Variants in HS6ST2 observed in about 807,000 individuals in gnomAD.
The protein encoded by HS6ST2 is heparan-sulfate 6-O-sulfotransferase 2.
A neutral mutation model predicts 33.0 loss-of-function variants in HS6ST2; 17 were observed. The observed-to-expected ratio is 0.52, with a 90% CI of 0.35 to 0.77. The LOEUF is 0.77. Ranked by LOEUF, HS6ST2 falls within the 30% of genes least tolerant of loss-of-function variation. The probability of loss-of-function intolerance (pLI) is 0.01; values close to 1 mark genes in which losing one functional copy is unlikely to be tolerated. For missense variants in HS6ST2, 519 were observed against 551.7 expected, an observed-to-expected ratio of 0.94 and a Z score of 0.59; for synonymous variants, 248 against 237.1, an observed-to-expected ratio of 1.05 and a Z score of -0.42.
At chrX:132,723,687 A>G (rs936637752) in intron 2 of HS6ST2, among the ~76,000 whole-genome samples, 1 of 112,465 alleles carries the variant, frequency 8.9e-6, no homozygotes, top group Admixed American at 9.4e-5. Context: ...AATAAAAGCT[A>G]TGTATGACAG....
chrX:132,957,171 C>A lies in HS6ST2; in HGVS notation c.584G>T (p.Arg195Leu). The change falls in exon 2 of 5, where the codon CGC becomes CTC. Residue 195 changes from arginine to leucine, a missense_variant. By Grantham distance (102) the Arg-to-Leu change is moderately radical (BLOSUM62 -2). Coordinates refer to ENST00000370833, the MANE Select transcript of HS6ST2 (RefSeq NM_001394073.1). ...AFSSPVPDPY[R>L]SEDESSARFV... ...CCTGGCGGAGCTCTCATCCTCCGAG[C>A]GGTACGGGTCCGGCACCGGGGAGCT... 8.3e-7 allele frequency: 1 copy of A among 1,211,637 alleles called. No homozygotes were observed. Among genetic ancestry groups the A allele is most frequent in the East Asian group, 3.0e-5 (1 of 33,810 alleles).
intron 2 of HS6ST2, among the ~76,000 whole-genome samples, chrX:132,748,410 C>G (rs1346668031): frequency 3.6e-5 from 4 of 111,820 alleles, no homozygotes; most frequent in Non-Finnish European, 7.5e-5. Context: ...CATTTAACTC[C>G]TCTCTCCCAC....
intron 2 of HS6ST2, among the ~76,000 whole-genome samples, chrX:132,818,411 T>C (rs2065417405): frequency 9.0e-6 from 1 of 111,312 alleles, no homozygotes; most frequent in South Asian, 3.9e-4. Context: ...CTTTGGCATG[T>C]GTCTGGCACC....
chrX:132,798,012 CAAAA>C (rs140144337), intron 2 of HS6ST2, among the ~76,000 whole-genome samples: 3 of 55,811 alleles, frequency 5.4e-5, no homozygotes, highest in Non-Finnish European at 9.4e-5. Context: ...GACTTTGTCT[CAAAA>C]AAAAAAAAAA....
intron 2 of HS6ST2, among the ~76,000 whole-genome samples, chrX:132,925,005 C>A (rs1362619407): frequency 9.0e-6 from 1 of 111,131 alleles, no homozygotes; most frequent in African/African-American, 3.3e-5. Context: ...TACTTGAACC[C>A]AGGAGGCAGA....
intron 2 of HS6ST2, among the ~76,000 whole-genome samples, chrX:132,848,479 CA>C (rs2065772919): frequency 8.9e-6 from 1 of 112,458 alleles, no homozygotes; most frequent in Non-Finnish European, 1.9e-5. Context: ...CCCTCTTCCA[CA>C]GGGTGGTGCC....
intron 4 of HS6ST2, among the ~76,000 whole-genome samples, chrX:132,633,273 G>A (rs769753192): frequency 1.8e-5 from 2 of 110,339 alleles, no homozygotes; most frequent in African/African-American, 6.6e-5. Context: ...GTTGTGAAAG[G>A]CCACAGATGC....
chrX:132,939,455 T>C (rs1327735895), intron 2 of HS6ST2, among the ~76,000 whole-genome samples: 1 of 110,233 alleles, frequency 9.1e-6, no homozygotes, highest in East Asian at 2.9e-4. Flanking sequence ...TGAAACCCCA[T>C]CTCTACTAAA....
At chrX:132,657,587 T>A (rs1280255524) in intron 4 of HS6ST2, among the ~76,000 whole-genome samples, 2 of 108,847 alleles carry the variant, frequency 1.8e-5, no homozygotes, top group African/African-American at 6.7e-5. Context: ...TATGTTTTTG[T>A]AATTATTTAT....
chrX:132,697,673 C>T (rs755372624), intron 3 of HS6ST2, among the ~76,000 whole-genome samples: 4 of 111,912 alleles, frequency 3.6e-5, no homozygotes, highest in East Asian at 2.8e-4. Context: ...TCTGACCCAA[C>T]GACTCAACCT....
intron 2 of HS6ST2, among the ~76,000 whole-genome samples, chrX:132,874,235 G>T (rs1427078228): frequency 8.9e-6 from 1 of 112,365 alleles, no homozygotes; most frequent in African/African-American, 3.2e-5. Flanking sequence ...AAAAAAGAAA[G>T]ATTTTGAATC....
intron 4 of HS6ST2, among the ~76,000 whole-genome samples, chrX:132,642,820 G>A (rs953408926): frequency 8.9e-5 from 10 of 112,467 alleles, no homozygotes; most frequent in Non-Finnish European, 1.9e-4. Flanking sequence ...TGAAGGTTAT[G>A]TTAATGCTGA....
At chrX:132,684,194 C>T (rs1338408898) in intron 3 of HS6ST2, among the ~76,000 whole-genome samples, 1 of 104,247 alleles carries the variant, frequency 9.6e-6, no homozygotes, top group Non-Finnish European at 1.9e-5. Flanking sequence ...TATGTAGGAG[C>T]AGTCTCCACA....
intron 2 of HS6ST2, among the ~76,000 whole-genome samples, chrX:132,799,626 C>T (rs776556688): frequency 1.8e-5 from 2 of 111,159 alleles, no homozygotes; most frequent in Non-Finnish European, 3.8e-5. Context: ...AAGCAATCCA[C>T]CCACTTTAGC....
At chrX:132,943,518 C>A (rs1051131366) in intron 2 of HS6ST2, among the ~76,000 whole-genome samples, 2 of 111,298 alleles carry the variant, frequency 1.8e-5, no homozygotes, top group African/African-American at 6.5e-5. Context: ...ATGAGGCCAG[C>A]ATCATCCTGA....
At chrX:132,943,758 C>G (rs2066912222) in intron 2 of HS6ST2, among the ~76,000 whole-genome samples, 1 of 111,393 alleles carries the variant, frequency 9.0e-6, no homozygotes, top group South Asian at 3.8e-4. Context: ...AGACAAAAAC[C>G]ACATGATTAT....
rs143049823 is a variant in HS6ST2 at position 132,926,537 on chromosome X, G to A, written c.947+30271C>T. Among the ~76,000 whole-genome samples the A allele has an allele frequency of 5.5e-3, 620 of 112,593 alleles. 3 individuals carry two copies. The highest frequency in any genetic ancestry group is 6.4e-3 in the Non-Finnish European group (340 of 53,314). Reference sequence around the variant, plus strand: ...TTGGATTTTATCCTCAGCAACTAGCGAGGAAAACCTGTCTATGCATTGCAA... The same window carrying A: ...TTGGATTTTATCCTCAGCAACTAGCAAGGAAAACCTGTCTATGCATTGCAA... On this transcript the variant is annotated intron_variant, in intron 2 of 4. Coordinates refer to ENST00000370833, the MANE Select transcript of HS6ST2 (RefSeq NM_001394073.1).
intron 2 of HS6ST2, among the ~76,000 whole-genome samples, chrX:132,793,229 T>G (rs2065137058): frequency 9.3e-6 from 1 of 107,133 alleles, no homozygotes; most frequent in Admixed American, 1.0e-4. Flanking sequence ...CCTGGCTAAT[T>G]TTTGTATTTT....
chrX:132,835,788 C>G (rs1336644177), intron 2 of HS6ST2, among the ~76,000 whole-genome samples: 1 of 111,416 alleles, frequency 9.0e-6, no homozygotes, highest in African/African-American at 3.3e-5. Context: ...AGGTGGCAGG[C>G]GCCTGTAATC....
Sources: allele counts gnomAD v4.1 joint callset (sites outside exome capture counted in the v4.1 genomes callset), GRCh38; gene constraint gnomAD v4.1.1; transcripts MANE v1.5; gene names NCBI Gene and HGNC (gene_info 2026-07-23, HGNC 2026-07-21).